RYR1: variants seen among roughly 807,000 people sequenced by gnomAD.
The protein encoded by RYR1 is central core disease of muscle.
In RYR1, 342 loss-of-function variants were observed where a neutral mutation model predicts 583.5. That is an observed-to-expected ratio of 0.59 (90% CI 0.54 to 0.64). The LOEUF is 0.64. Among genes scored for constraint, RYR1 ranks in the 30% least tolerant of loss-of-function variants. The pLI, the probability that RYR1 is intolerant of heterozygous loss-of-function variation, is 0.00. For missense variants in RYR1, 6,032 were observed against 6,917.2 expected (o/e 0.87, Z 4.54); for synonymous variants, 2,791 against 2,822.5 (o/e 0.99, Z 0.35).
At chr19:38,503,676 G>C (rs1970304770) in intron 49 of RYR1, among the ~76,000 whole-genome samples, 1 of 152,086 alleles carries the variant, frequency 6.6e-6, no homozygotes, top group African/African-American at 2.4e-5. Flanking sequence ...TGGAGGCTGA[G>C]GCTGGAGAAT....
chr19:38,511,932 G>A (rs1970742860), intron 61 of RYR1, 140 bp from the exon 62 acceptor site: 2 of 1,004,372 alleles, frequency 2.0e-6, no homozygotes, highest in African/African-American at 1.6e-5. Flanking sequence ...GTAGGAGTCT[G>A]GGGGGGTGGG....
At position 38,584,925 on chromosome 19, in the gene RYR1, T is replaced by C; in HGVS notation, c.14647-18T>C. The stretch of plus-strand genomic sequence containing the variant: ...GAATGTCGAATGAATGAGTGACCAG[T>C]GTGCTCCCCTCCCTCAGTGTTACCT... On this transcript the variant is annotated intron_variant, in intron 101 of 105. Transcript: ENST00000359596. 1 of 1,613,582 alleles carries C rather than the reference T, an allele frequency of 6.2e-7. No homozygotes were observed. Among genetic ancestry groups the C allele is most frequent in the Non-Finnish European group, 8.5e-7 (1 of 1,179,752 alleles).
intron 33 of RYR1, among the ~76,000 whole-genome samples, chr19:38,484,010 T>G (rs990690732): frequency 6.6e-6 from 1 of 151,966 alleles, no homozygotes; most frequent in Non-Finnish European, 1.5e-5. Context: ...TGCGTTCACA[T>G]GGATGGCAGG....
rs1406317092 is a variant in RYR1, at chr19:38,502,878, A to G, written c.7836-2A>G. The G allele has an allele frequency of 2.5e-6, 4 of 1,610,392 alleles. No individual in the cohort carries two copies. Among genetic ancestry groups the G allele is most frequent in the Non-Finnish European group, 3.4e-6 (4 of 1,179,900 alleles). On this transcript the variant is annotated splice_acceptor_variant, in intron 48 of 105. Transcript: ENST00000359596. LOFTEE classifies it high-confidence loss of function. ...TTCTACATCTTGTGCATTGTCCCGC[A>G]GGTACATCCGCCCGTCGATGCTGCA...
In RYR1 at chr19:38,455,615, T is replaced by C; in HGVS notation, c.1673-18T>C. On this transcript the variant is annotated intron_variant, in intron 15 of 105. Transcript: ENST00000359596. ...ATGGGCATGGCCGCTTCACCTCTCA[T>C]TCTGGGCACCCTGGCAGGCATCCTG... 6.2e-7 allele frequency: 1 copy of C among 1,610,908 alleles called. No individual in the cohort carries two copies. The highest frequency in any genetic ancestry group is 8.5e-7 in the Non-Finnish European group (1 of 1,177,106).
rs556126954 is a variant in RYR1, at chr19:38,563,593, C to T, written c.12625-1366C>T. Among the ~76,000 whole-genome samples, 46 of 152,286 alleles carry T rather than the reference C, an allele frequency of 3.0e-4. No individual in the cohort carries two copies. The South Asian group carries it at 8.3e-3, about 27-fold the overall frequency. On this transcript the variant is annotated intron_variant, in intron 90 of 105. Coordinates refer to ENST00000359596, the MANE Select transcript of RYR1 (RefSeq NM_000540.3). ...TATACAGCATTTATCAGGCACCGGG[C>T]GCTGTTCTAATCATGCAGCATCTAT...
chr19:38,505,982 ATG>A, intron 54 of RYR1, 36 bp downstream of exon 54: 2 of 1,548,568 alleles, frequency 1.3e-6, no homozygotes, highest in Non-Finnish European at 1.8e-6. Flanking sequence ...CAGGGGCACG[ATG>A]GGGGGAGGGT....
Position 38,529,112 on chromosome 19 carries a change from C to T in RYR1, c.11141+55C>T, listed in dbSNP as rs61441471. The T allele has an allele frequency of 0.099, 154,869 of 1,562,870 alleles. 9,038 individuals carry two copies. The highest frequency in any genetic ancestry group is 0.23 in the South Asian group (20,886 of 89,418). ...GCCCCCAAGGTCCTGGGGCCACCCC[C>T]AGCCCAGCAGCTTCCCTGTGCCTCA... On this transcript the variant is annotated intron_variant, in intron 76 of 105. Transcript: ENST00000359596.
At chr19:38,501,992 A>G (rs2145610608) in intron 47 of RYR1, among the ~76,000 whole-genome samples, 1 of 151,692 alleles carries the variant, frequency 6.6e-6, no homozygotes, top group African/African-American at 2.4e-5. Context: ...TCTCAGAAAA[A>G]AAAAAGAAAA....
Position 38,446,545 on chromosome 19 carries a change from T to A in RYR1, c.705T>A (p.Ala235=). 6.2e-7 allele frequency: 1 copy of A among 1,614,142 alleles called. No homozygotes were observed. Among genetic ancestry groups the A allele is most frequent in the Non-Finnish European group, 8.5e-7 (1 of 1,179,972 alleles). The change falls in exon 8 of 106, where the codon GCT becomes GCA. Residue 235 remains alanine, a synonymous_variant. Coordinates refer to ENST00000359596, the MANE Select transcript of RYR1 (RefSeq NM_000540.3). ...ATGAGTGTCTGACCATTTCCCCTGC[T>A]GACAGTGATGACCAGCGCAGGTCTG... The part of the protein sequence containing the change: ...HMDECLTISP[A]DSDDQRRLVY...
At chr19:38,536,658 C>A in intron 82 of RYR1, 92 bp from the exon 83 acceptor site, 1 of 1,438,238 alleles carries the variant, frequency 7.0e-7, no homozygotes, top group East Asian at 2.3e-5. Context: ...TGTCTCTGTC[C>A]CTGACTGTCA....
intron 58 of RYR1, 73 bp downstream of exon 58, chr19:38,507,900 G>T (rs1190479852): frequency 1.1e-6 from 1 of 893,116 alleles, no homozygotes; most frequent in African/African-American, 1.6e-5. Context: ...ACTCACCTAG[G>T]ACACCTGTTC....
At chr19:38,475,283 G>T in intron 28 of RYR1, 35 bp from the exon 29 acceptor site, 1 of 1,553,624 alleles carries the variant, frequency 6.4e-7, no homozygotes, top group Non-Finnish European at 8.7e-7. Flanking sequence ...GGGCTTGAAA[G>T]CTGGCTCTCA....
At chr19:38,567,156 T>C (rs888799874) in intron 92 of RYR1, among the ~76,000 whole-genome samples, 169 bp downstream of exon 92, 2 of 151,652 alleles carry the variant, frequency 1.3e-5, no homozygotes, top group Non-Finnish European at 2.9e-5. Flanking sequence ...AATCAAGAAA[T>C]AAATGCTCCA....
At position 38,525,368 on chromosome 19, in the gene RYR1, C is replaced by G. The variant is rs201358408; in HGVS notation, c.10492C>G (p.Arg3498Gly). 6.4e-5 allele frequency: 104 copies of G among 1,613,828 alleles called. No homozygotes were observed. The highest frequency in any genetic ancestry group is 8.4e-5 in the Non-Finnish European group (99 of 1,179,996). ...GGACCAGGAACGCACCAAGAAGAAG[C>G]GCCGGGGGGACCGGTACTCTGTGCA... ...GSDQERTKKK[R>G]RGDRYSVQTS... Residue 3498 changes from arginine (R) to glycine (G), a missense_variant, in exon 71 of 106, where the codon CGC becomes GGC. This residue lies in a region of RYR1 where 1,493 missense variants were observed against 1,715.5 expected (regional missense o/e 0.87). Transcript: ENST00000359596.
intron 84 of RYR1, 117 bp downstream of exon 84, chr19:38,538,077 G>A (rs1944333214): frequency 1.1e-6 from 1 of 930,060 alleles, no homozygotes; most frequent in African/African-American, 1.6e-5. Context: ...CCACTCTCCA[G>A]CCAGTGTCAA....
intron 69 of RYR1, 62 bp from the exon 70 acceptor site, chr19:38,523,853 C>T (rs1271019151): frequency 3.7e-6 from 6 of 1,612,556 alleles, no homozygotes; most frequent in Admixed American, 1.7e-5. Context: ...GGAGTTGGGC[C>T]TGGGCTTCTC....
intron 89 of RYR1, among the ~76,000 whole-genome samples, chr19:38,560,719 A>AC (rs1973087247): frequency 1.5e-5 from 2 of 137,150 alleles, no homozygotes; most frequent in African/African-American, 2.7e-5. Flanking sequence ...ACAAGAGCGA[A>AC]ACTCCGTCTC....
At chr19:38,571,133 CA>C (rs1264507647) in intron 94 of RYR1, among the ~76,000 whole-genome samples, 1 of 152,194 alleles carries the variant, frequency 6.6e-6, no homozygotes, top group East Asian at 1.9e-4. Flanking sequence ...TCCTGAAGGA[CA>C]AAGGGACCCT....
Sources: allele counts gnomAD v4.1 joint callset (sites outside exome capture counted in the v4.1 genomes callset), GRCh38; gene constraint gnomAD v4.1.1; regional missense constraint gnomAD v4.1.1; transcripts MANE v1.5; gene names NCBI Gene and HGNC (gene_info 2026-07-23, HGNC 2026-07-21).